Variants in DYSF observed in about 807,000 individuals in gnomAD.
The protein encoded by DYSF is dystrophy-associated fer-1-like 1.
A neutral mutation model predicts 274.9 loss-of-function variants in DYSF; 212 were observed. That is an observed-to-expected ratio of 0.77 (90% CI 0.69 to 0.86). DYSF has a LOEUF of 0.86. DYSF is among the 40% of genes least tolerant of loss of function. The pLI is 0.00. For synonymous variants in DYSF, 1,091 were observed against 1,078.7 expected, an observed-to-expected ratio of 1.01 and a Z score of -0.22; for missense variants, 2,666 against 2,783.2, an observed-to-expected ratio of 0.96 and a Z score of 0.95.
chr2:71,472,596 C>G (rs917742613), intron 1 of DYSF, among the ~76,000 whole-genome samples: 1 of 152,054 alleles, frequency 6.6e-6, no homozygotes, highest in Admixed American at 6.6e-5. Context: ...TTAGTAGAGA[C>G]GGGGTTTCAC....
At chr2:71,616,248 C>T (rs1375438669) in intron 40 of DYSF, among the ~76,000 whole-genome samples, 1 of 152,102 alleles carries the variant, frequency 6.6e-6, no homozygotes, top group Non-Finnish European at 1.5e-5. Context: ...GGTCTGTGCT[C>T]AGCATCCCAG....
intron 48 of DYSF, 100 bp from the exon 49 acceptor site, chr2:71,668,654 T>C: frequency 8.6e-7 from 1 of 1,165,466 alleles, no homozygotes; most frequent in South Asian, 1.3e-5. Flanking sequence ...AGGGCCTGGG[T>C]TTCTCTGTTC....
At chr2:71,619,492 A>G (rs2094039076) in intron 40 of DYSF, among the ~76,000 whole-genome samples, 1 of 152,114 alleles carries the variant, frequency 6.6e-6, no homozygotes, top group South Asian at 2.1e-4. Context: ...TTCTTTGGGC[A>G]TCGGGGGAGT....
intron 42 of DYSF, among the ~76,000 whole-genome samples, chr2:71,654,876 T>C (rs951598222): frequency 2.6e-5 from 4 of 151,958 alleles, no homozygotes; most frequent in Non-Finnish European, 5.9e-5. Flanking sequence ...TCCAGGAGTT[T>C]GAGACCAACC....
intron 41 of DYSF, among the ~76,000 whole-genome samples, chr2:71,631,452 T>C (rs2094310754): frequency 6.6e-6 from 1 of 152,216 alleles, no homozygotes; most frequent in African/African-American, 2.4e-5. Flanking sequence ...TCAGAAGTGT[T>C]GCCAGTGAAG....
At chr2:71,566,839 C>T (rs56058283) in intron 24 of DYSF, among the ~76,000 whole-genome samples, 3,453 of 152,298 alleles carry the variant, frequency 0.023, 45 homozygotes, top group Middle Eastern at 0.061. Context: ...GGGCTGTGTC[C>T]GCAGGAGGGA....
At chr2:71,508,508 T>C (rs1486769929) in intron 4 of DYSF, among the ~76,000 whole-genome samples, 2 of 152,228 alleles carry the variant, frequency 1.3e-5, no homozygotes, top group African/African-American at 4.8e-5. Flanking sequence ...TTTTATAACC[T>C]TGTAGCTGGA....
chr2:71,606,026 T>A (rs1273151408), intron 36 of DYSF, among the ~76,000 whole-genome samples: 1 of 152,116 alleles, frequency 6.6e-6, no homozygotes, highest in Non-Finnish European at 1.5e-5. Context: ...TGAGGGTCCA[T>A]AGGCTACTGA....
intron 52 of DYSF, among the ~76,000 whole-genome samples, chr2:71,675,900 A>T (rs1359518119): frequency 6.6e-6 from 1 of 152,166 alleles, no homozygotes; most frequent in Non-Finnish European, 1.5e-5. Context: ...TCATATGTAT[A>T]TGAATGGATT....
At chr2:71,556,382 G>C (rs2091341772) in intron 22 of DYSF, among the ~76,000 whole-genome samples, 1 of 152,230 alleles carries the variant, frequency 6.6e-6, no homozygotes, top group South Asian at 2.1e-4. Context: ...AGGAGGAGCT[G>C]GCTGGGGGGT....
chr2:71,572,329 G>T (rs2092541217), intron 29 of DYSF, among the ~76,000 whole-genome samples: 1 of 145,678 alleles, frequency 6.9e-6, no homozygotes, highest in Admixed American at 6.8e-5. Flanking sequence ...ATCACACCCA[G>T]CACACCCACA....
chr2:71,482,087 C>T, intron 3 of DYSF, 117 bp downstream of exon 3: 1 of 800,660 alleles, frequency 1.2e-6, no homozygotes, highest in Admixed American at 2.2e-5. Context: ...CATTTATCCA[C>T]CTCCTCCCAT....
chr2:71,565,527 C>G (rs1423662323), intron 24 of DYSF, among the ~76,000 whole-genome samples: 1 of 152,194 alleles, frequency 6.6e-6, no homozygotes, highest in African/African-American at 2.4e-5. Flanking sequence ...CCCTACATCT[C>G]TCCTCCCTCC....
At chr2:71,572,252 C>A (rs1264651143) in intron 29 of DYSF, among the ~76,000 whole-genome samples, 3 of 32,974 alleles carry the variant, frequency 9.1e-5, no homozygotes, top group Admixed American at 3.3e-4. Flanking sequence ...ACACCTAGCA[C>A]ACCCACAGAT....
At chr2:71,660,457 C>T (rs1221696628) in intron 44 of DYSF, 103 bp from the exon 45 acceptor site, 1 of 989,454 alleles carries the variant, frequency 1.0e-6, no homozygotes, top group African/African-American at 1.6e-5. Flanking sequence ...TCTCAACTTC[C>T]TGATGGCTGC....
In DYSF at chr2:71,570,268, C is replaced by A; in HGVS notation, c.3019C>A (p.Pro1007Thr). The A allele has an allele frequency of 6.2e-7, 1 of 1,614,112 alleles. No homozygotes were observed. Among genetic ancestry groups the A allele is most frequent in the Non-Finnish European group, 8.5e-7 (1 of 1,180,018 alleles). The change falls in exon 28 of 56, where the codon CCA becomes ACA. Residue 1007 changes from proline (P) to threonine (T), a missense_variant. Around this residue, in one of 3 missense-constraint regions of DYSF, gnomAD observed 1,460 missense variants for 1,502.1 expected, o/e 0.97. Transcript: ENST00000410020. The stretch of plus-strand genomic sequence containing the variant: ...GCTTCCCAAGGATGACATTGAGTGC[C>A]CACTGGGCTGGAAGTGGGAAGATGA... ...KVLPKDDIECPLGWKWEDEEW... is the reference protein window; with the variant it reads ...KVLPKDDIECTLGWKWEDEEW...
chr2:71,491,517 A>C (rs2083854046), intron 3 of DYSF, among the ~76,000 whole-genome samples: 1 of 152,206 alleles, frequency 6.6e-6, no homozygotes, highest in Non-Finnish European at 1.5e-5. Context: ...TCACCCAGGC[A>C]TTAAGCCTAG....
At chr2:71,474,638 G>A (rs924484628) in intron 1 of DYSF, among the ~76,000 whole-genome samples, 2 of 151,976 alleles carry the variant, frequency 1.3e-5, no homozygotes, top group African/African-American at 4.8e-5. Context: ...CTCCTCTTTG[G>A]GGCTGCAGCA....
Position 71,607,002 on chromosome 2 carries a change from G to A in DYSF, c.3957+4197G>A, listed in dbSNP as rs1254438178. Among the ~76,000 whole-genome samples the A allele has an allele frequency of 3.3e-5, 5 of 152,256 alleles. No individual in the cohort carries two copies. In the South Asian group the frequency reaches 6.2e-4, roughly 19 times the overall value. ...TCATAATCATTTATTTGTTGGACGG[G>A]GGAATTCAGCTATGGTCCCTGTGTA... is the stretch of plus-strand genomic sequence containing the variant. On this transcript the variant is annotated intron_variant, in intron 36 of 55. Coordinates refer to ENST00000410020, the MANE Select transcript of DYSF (RefSeq NM_001130987.2).
Sources: gnomAD v4.1 joint callset for allele counts (sites outside exome capture counted in the v4.1 genomes callset) on GRCh38, gnomAD v4.1.1 for gene constraint, gnomAD v4.1.1 regional missense constraint, MANE v1.5 for transcripts, NCBI Gene and HGNC (gene_info 2026-07-23, HGNC 2026-07-21) for gene names.